The following HIPK3 variants were observed in gnomAD, a reference collection of about 807,000 sequenced individuals.
HIPK3 encodes homeodomain-interacting protein kinase 3.
In HIPK3, 47 loss-of-function variants were observed where a neutral mutation model predicts 124.2. The observed-to-expected ratio is 0.38, with a 90% CI of 0.30 to 0.48. HIPK3 has a LOEUF of 0.48. HIPK3 is among the 20% of genes least tolerant of loss of function. HIPK3 has a pLI of 0.98. For missense variants in HIPK3, 1,286 were observed against 1,454.3 expected, an observed-to-expected ratio of 0.88 and a Z score of 1.88; for synonymous variants, 482 against 515.2, an observed-to-expected ratio of 0.94 and a Z score of 0.87.
chr11:33,264,683 TA>T (rs1431154340), intron 1 of HIPK3, among the ~76,000 whole-genome samples: 1 of 152,182 alleles, frequency 6.6e-6, no homozygotes, highest in Non-Finnish European at 1.5e-5. Flanking sequence ...TTTGATTTGC[TA>T]AAAACAAAAA....
upstream of HIPK3, chr11:33,256,695 A>G (rs373059554): frequency 2.0e-4 from 197 of 983,694 alleles, 1 homozygote; most frequent in South Asian, 8.1e-3. Flanking sequence ...CCAGGAGGAA[A>G]GAAACTAGTC....
chr11:33,261,974 C>G (rs1178269389), intron 1 of HIPK3, among the ~76,000 whole-genome samples: 1 of 152,092 alleles, frequency 6.6e-6, no homozygotes, highest in African/African-American at 2.4e-5. Flanking sequence ...CAGTGATAAC[C>G]TTTTTTTCAT....
At chr11:33,321,472 A>G (rs1219865029) in intron 2 of HIPK3, among the ~76,000 whole-genome samples, 1 of 152,140 alleles carries the variant, frequency 6.6e-6, no homozygotes, top group Admixed American at 6.5e-5. Context: ...AGAAAGAGAT[A>G]TTGGTAATGA....
intron 2 of HIPK3, among the ~76,000 whole-genome samples, chr11:33,293,841 G>T (rs1371173838): frequency 6.6e-6 from 1 of 152,030 alleles, no homozygotes; most frequent in Non-Finnish European, 1.5e-5. Context: ...TATGGTGTTT[G>T]CAATCTAATG....
intron 1 of HIPK3, among the ~76,000 whole-genome samples, chr11:33,284,954 G>A (rs1851509512): frequency 1.3e-5 from 2 of 152,144 alleles, no homozygotes; most frequent in African/African-American, 4.8e-5. Context: ...TCATTCTTAT[G>A]TGTGTATATG....
rs1195801471 is a variant in HIPK3 at position 33,355,820 on chromosome 11, T to C, written c.*2252T>C. 6.6e-6 allele frequency: 1 copy of C among 151,736 alleles called. No homozygotes were observed. The highest frequency in any genetic ancestry group is 1.5e-5 in the Non-Finnish European group (1 of 67,828). The allele number at this position is 151,736 out of a possible 1,614,324, so 9.4% of individuals were successfully genotyped here. On this transcript the variant is annotated 3_prime_UTR_variant, in exon 17 of 17. Transcript: ENST00000303296. ...TTTTAGTAATTAATTCTATGCATTT[T>C]ATACAAATAGAAATATATATATATA...
At chr11:33,289,606 ACAT>A (rs1851645762) in intron 2 of HIPK3, among the ~76,000 whole-genome samples, 1 of 152,200 alleles carries the variant, frequency 6.6e-6, no homozygotes, top group Non-Finnish European at 1.5e-5. Flanking sequence ...CATAATAATC[ACAT>A]CAGGGTAAAT....
intron 2 of HIPK3, among the ~76,000 whole-genome samples, chr11:33,309,434 G>A (rs1852259264): frequency 6.6e-6 from 1 of 152,190 alleles, no homozygotes; most frequent in Non-Finnish European, 1.5e-5. Flanking sequence ...AGTTCTGATT[G>A]GTTGACTGGT....
At chr11:33,289,895 A>G (rs1475694158) in intron 2 of HIPK3, among the ~76,000 whole-genome samples, 2 of 152,164 alleles carry the variant, frequency 1.3e-5, no homozygotes, top group Admixed American at 6.5e-5. Flanking sequence ...GCTCCCACAT[A>G]TGAGCGAGAA....
intron 2 of HIPK3, among the ~76,000 whole-genome samples, chr11:33,323,556 A>G (rs1204129531): frequency 4.6e-5 from 7 of 152,180 alleles, no homozygotes; most frequent in Non-Finnish European, 1.0e-4. Context: ...TTCCATTTAT[A>G]TGAAATGTCC....
chr11:33,339,789 T>C (rs571341154), intron 6 of HIPK3, among the ~76,000 whole-genome samples: 1 of 152,280 alleles, frequency 6.6e-6, no homozygotes, highest in Non-Finnish European at 1.5e-5. Context: ...TTATTATACA[T>C]GACTTTCTTA....
At chr11:33,339,307 T>A (rs1185616126) in intron 5 of HIPK3, 43 bp from the exon 6 acceptor site, 9 of 1,484,304 alleles carry the variant, frequency 6.1e-6, no homozygotes, top group Non-Finnish European at 8.4e-6. Context: ...CTACTCTCTG[T>A]GACTTATTTT....
At position 33,347,871 on chromosome 11, in the gene HIPK3, A is replaced by C. The variant is rs1449419617; in HGVS notation, c.2164A>C (p.Asn722His). The C allele has an allele frequency of 1.9e-6, 3 of 1,614,204 alleles. No homozygotes were observed. The highest frequency in any genetic ancestry group is 4.5e-5 in the East Asian group (2 of 44,888). The change falls in exon 11 of 17, where the codon AAT becomes CAT. Residue 722 changes from asparagine to histidine, a missense_variant. Around this residue, in one of 3 missense-constraint regions of HIPK3, gnomAD observed 810 missense variants for 864.9 expected, o/e 0.94. Coordinates refer to ENST00000303296, the MANE Select transcript of HIPK3 (RefSeq NM_005734.5). ...GDWGKMISCS[N>H]HYNSVMPQPL... Reference sequence around the variant, plus strand: ...CCCTAGGAAGATGATTTCATGCAGCAATCATTATAACTCAGTGATGCCGCA... The same window carrying C: ...CCCTAGGAAGATGATTTCATGCAGCCATCATTATAACTCAGTGATGCCGCA...
chr11:33,276,259 A>G (rs1453646414), intron 1 of HIPK3, among the ~76,000 whole-genome samples: 1 of 152,170 alleles, frequency 6.6e-6, no homozygotes, highest in East Asian at 1.9e-4. Flanking sequence ...AAGACTGTTC[A>G]GTTGTTGTAT....
At chr11:33,258,168 C>T (rs1282509648) in intron 1 of HIPK3, among the ~76,000 whole-genome samples, 3 of 152,094 alleles carry the variant, frequency 2.0e-5, no homozygotes, top group African/African-American at 7.2e-5. Context: ...GCCGTAGCCT[C>T]CGGGAAGCCG....
At chr11:33,263,285 T>G (rs1343935425) in intron 1 of HIPK3, among the ~76,000 whole-genome samples, 1 of 152,182 alleles carries the variant, frequency 6.6e-6, no homozygotes, top group Non-Finnish European at 1.5e-5. Flanking sequence ...GAGCTTGGTT[T>G]AATTGGATTT....
At chr11:33,258,611 C>A in intron 1 of HIPK3, 5 of 985,402 alleles carry the variant, frequency 5.1e-6, no homozygotes, top group Non-Finnish European at 6.0e-6. Flanking sequence ...TTCCCTTCGC[C>A]GCACTGGGAG....
At chr11:33,267,148 G>T (rs1370965044) in intron 1 of HIPK3, among the ~76,000 whole-genome samples, 1 of 151,432 alleles carries the variant, frequency 6.6e-6, no homozygotes, top group African/African-American at 2.4e-5. Context: ...TTTGAGACGG[G>T]GTCTTGCTCT....
chr11:33,347,223 T>A (rs1344148071), intron 8 of HIPK3, 70 bp from the exon 9 acceptor site: 4 of 1,437,986 alleles, frequency 2.8e-6, no homozygotes, highest in Non-Finnish European at 3.8e-6. Context: ...TTCTTGACAT[T>A]TAAAATAATT....
Sources: gnomAD v4.1 joint callset for allele counts (sites outside exome capture counted in the v4.1 genomes callset) on GRCh38, gnomAD v4.1.1 for gene constraint, gnomAD v4.1.1 regional missense constraint, MANE v1.5 for transcripts, NCBI Gene and HGNC (gene_info 2026-07-23, HGNC 2026-07-21) for gene names.